The following CTNND2 variants were observed in gnomAD, a reference collection of about 807,000 sequenced individuals.
The protein encoded by CTNND2 is catenin delta 2, also known as catenin delta-2.
CTNND2 carries 22 observed loss-of-function variants against 144.4 expected under a neutral mutation model. The observed-to-expected ratio is 0.15, with a 90% confidence interval of 0.11 to 0.22. CTNND2 has a LOEUF of 0.22. CTNND2 is among the 10% of genes least tolerant of loss of function. The pLI, the probability that CTNND2 is intolerant of heterozygous loss-of-function variation, is 1.00. For missense variants in CTNND2, 1,353 were observed against 1,618.8 expected (o/e 0.84, Z 2.82); for synonymous variants, 751 against 695.6 (o/e 1.08, Z -1.25).
At chr5:11,194,388 C>G (rs1736644920) in intron 11 of CTNND2, among the ~76,000 whole-genome samples, 1 of 152,120 alleles carries the variant, frequency 6.6e-6, no homozygotes, top group Non-Finnish European at 1.5e-5. Context: ...TTCCTCCAGG[C>G]CAACAAACAA....
At chr5:11,781,127 A>G (rs1237773928) in intron 1 of CTNND2, among the ~76,000 whole-genome samples, 2 of 152,038 alleles carry the variant, frequency 1.3e-5, no homozygotes, top group Non-Finnish European at 2.9e-5. Context: ...ATTAACACAC[A>G]CCTGTTGCTG....
At chr5:11,347,978 T>C (rs573056048) in intron 8 of CTNND2, among the ~76,000 whole-genome samples, 10 of 152,322 alleles carry the variant, frequency 6.6e-5, no homozygotes, top group South Asian at 2.1e-4. Flanking sequence ...TCAGGGCTCT[T>C]CTTTCCCAGT....
chr5:11,662,794 A>C (rs1783345742), intron 2 of CTNND2, among the ~76,000 whole-genome samples: 1 of 152,076 alleles, frequency 6.6e-6, no homozygotes, highest in Non-Finnish European at 1.5e-5. Flanking sequence ...TTTCATCCCC[A>C]AAACATCCCC....
chr5:11,230,449 CA>C (rs1268098849), intron 10 of CTNND2, among the ~76,000 whole-genome samples: 1 of 152,000 alleles, frequency 6.6e-6, no homozygotes, highest in Non-Finnish European at 1.5e-5. Context: ...AGGAAGTGTC[CA>C]TGTTTAATAA....
intron 3 of CTNND2, among the ~76,000 whole-genome samples, chr5:11,520,128 C>T (rs527987658): frequency 8.4e-6 from 1 of 119,254 alleles, no homozygotes; most frequent in East Asian, 2.4e-4. Flanking sequence ...GCCTGGGCAA[C>T]AAGAGTGAAA....
intron 12 of CTNND2, among the ~76,000 whole-genome samples, chr5:11,131,698 A>G (rs1457744707): frequency 6.6e-6 from 1 of 152,114 alleles, no homozygotes; most frequent in Non-Finnish European, 1.5e-5. Flanking sequence ...CTGAGGCAGG[A>G]GAATGGCATG....
intron 3 of CTNND2, among the ~76,000 whole-genome samples, chr5:11,541,489 G>A (rs1224775678): frequency 6.6e-6 from 1 of 152,106 alleles, no homozygotes; most frequent in African/African-American, 2.4e-5. Context: ...AAGGACATAG[G>A]AGGAGAGAAC....
intron 1 of CTNND2, among the ~76,000 whole-genome samples, chr5:11,788,184 A>G (rs1468222852): frequency 6.6e-6 from 1 of 152,222 alleles, no homozygotes. Flanking sequence ...AAAACTAAAA[A>G]TTCAAAAAAT....
intron 11 of CTNND2, among the ~76,000 whole-genome samples, chr5:11,168,926 T>A (rs1335643607): frequency 6.6e-6 from 1 of 152,184 alleles, no homozygotes; most frequent in African/African-American, 2.4e-5. Context: ...TTTTTGGCCC[T>A]GGGTTAAACG....
At chr5:11,246,978 C>A (rs1256426854) in intron 9 of CTNND2, among the ~76,000 whole-genome samples, 1 of 152,176 alleles carries the variant, frequency 6.6e-6, no homozygotes, top group South Asian at 2.1e-4. Flanking sequence ...CTGGCTTCTG[C>A]TCCAAGACAT....
At chr5:11,154,938 A>C (rs1326442983) in intron 12 of CTNND2, among the ~76,000 whole-genome samples, 2 of 152,174 alleles carry the variant, frequency 1.3e-5, no homozygotes, top group Non-Finnish European at 2.9e-5. Flanking sequence ...TCTTTTTATA[A>C]GATGCCATTC....
chr5:11,377,384 T>A (rs1282229832), intron 7 of CTNND2, among the ~76,000 whole-genome samples: 1 of 152,120 alleles, frequency 6.6e-6, no homozygotes, highest in Non-Finnish European at 1.5e-5. Context: ...GTGACTTCAT[T>A]CCCTATTGTA....
At chr5:11,292,887 C>T (rs997140947) in intron 9 of CTNND2, among the ~76,000 whole-genome samples, 6 of 152,170 alleles carry the variant, frequency 3.9e-5, no homozygotes, top group African/African-American at 1.4e-4. Flanking sequence ...GAATCTGGCC[C>T]TGCCAACACC....
At chr5:11,669,713 A>AT (rs568328995) in intron 2 of CTNND2, among the ~76,000 whole-genome samples, 308 of 150,226 alleles carry the variant, frequency 2.1e-3, no homozygotes, top group Non-Finnish European at 3.4e-3. Flanking sequence ...GGATTCATTG[A>AT]TTTTTTTTTG....
intron 8 of CTNND2, among the ~76,000 whole-genome samples, chr5:11,361,229 C>T (rs930065733): frequency 1.3e-5 from 2 of 152,160 alleles, no homozygotes; most frequent in African/African-American, 4.8e-5. Flanking sequence ...CCATGTTGGC[C>T]AAGCTGGTCT....
At chr5:11,376,105 G>A (rs1027317696) in intron 7 of CTNND2, among the ~76,000 whole-genome samples, 2 of 152,100 alleles carry the variant, frequency 1.3e-5, no homozygotes, top group South Asian at 4.1e-4. Flanking sequence ...GGACCCTCAT[G>A]GGACAATGAA....
At chr5:11,895,437 G>A (rs1311228355) in intron 1 of CTNND2, among the ~76,000 whole-genome samples, 1 of 152,116 alleles carries the variant, frequency 6.6e-6, no homozygotes, top group African/African-American at 2.4e-5. Context: ...TGTTTCCCCT[G>A]TGTTATGACA....
chr5:11,262,856 G>A, intron 9 of CTNND2, among the ~76,000 whole-genome samples: 1 of 150,158 alleles, frequency 6.7e-6, no homozygotes, highest in East Asian at 2.0e-4. Flanking sequence ...TTCACAGGCT[G>A]AACTTCTGAT....
chr5:11,042,387 T>C (rs138373755), intron 16 of CTNND2, among the ~76,000 whole-genome samples: 1 of 152,376 alleles, frequency 6.6e-6, no homozygotes, highest in African/African-American at 2.4e-5. Flanking sequence ...TGTTCTTATG[T>C]TATACACGCA....
Sources: allele counts gnomAD v4.1 joint callset (sites outside exome capture counted in the v4.1 genomes callset), GRCh38; gene constraint gnomAD v4.1.1; transcripts MANE v1.5; gene names NCBI Gene and HGNC (gene_info 2026-07-23, HGNC 2026-07-21).